The following GRIK4 variants were observed in gnomAD, a reference collection of about 807,000 sequenced individuals.
GRIK4 encodes the protein glutamate ionotropic receptor kainate type subunit 4.
GRIK4 carries 40 observed loss-of-function variants against 104.9 expected under a neutral mutation model. The ratio of observed to expected loss-of-function variants is 0.38; its 90% confidence interval spans 0.30 to 0.50. GRIK4 has a LOEUF of 0.50. GRIK4 is among the 20% of genes least tolerant of loss of function. GRIK4 has a pLI of 0.93. For missense variants in GRIK4, 1,047 were observed against 1,308.1 expected (o/e 0.80, Z 3.08); for synonymous variants, 485 against 524.9 (o/e 0.92, Z 1.04).
intron 4 of GRIK4, among the ~76,000 whole-genome samples, chr11:120,811,324 T>A (rs949186384): frequency 1.3e-4 from 20 of 152,208 alleles, no homozygotes; most frequent in African/African-American, 4.6e-4. Context: ...AACTCAGTGT[T>A]CCAGTGGCCA....
chr11:120,625,747 G>A (rs534786533), intron 1 of GRIK4, among the ~76,000 whole-genome samples: 2 of 152,102 alleles, frequency 1.3e-5, no homozygotes, highest in Admixed American at 6.5e-5. Flanking sequence ...GTGTTTGGGG[G>A]GAGGGTGGGC....
intron 7 of GRIK4, among the ~76,000 whole-genome samples, chr11:120,835,546 C>CAAACAAAA (rs1199890931): frequency 2.0e-5 from 3 of 151,576 alleles, no homozygotes; most frequent in Non-Finnish European, 4.4e-5. Context: ...AACAAACAAA[C>CAAACAAAA]AAAAAAAGAA....
intron 3 of GRIK4, among the ~76,000 whole-genome samples, chr11:120,758,525 C>T (rs1449025530): frequency 6.6e-6 from 1 of 152,290 alleles, no homozygotes; most frequent in South Asian, 2.1e-4. Context: ...GCCCACCTCC[C>T]GTGGCACCAT....
rs142177124 is a variant in GRIK4, at chr11:120,572,881, A to G, written c.-159+60994A>G. Among the ~76,000 whole-genome samples, 426 of 152,278 alleles carry G rather than the reference A, an allele frequency of 2.8e-3. 2 individuals carry two copies. The highest frequency in any genetic ancestry group is 4.5e-3 in the Non-Finnish European group (305 of 68,020). ...TGAAATGACCCAACTAAGGCCATTA[A>G]ATATTGTGCAAGAAGATTGGAAAGC... is the stretch of plus-strand genomic sequence containing the variant. On this transcript the variant is annotated intron_variant, in intron 1 of 20. Coordinates refer to ENST00000527524, the MANE Select transcript of GRIK4 (RefSeq NM_014619.5).
chr11:120,566,238 G>C (rs1042703168), intron 1 of GRIK4, among the ~76,000 whole-genome samples: 22 of 152,204 alleles, frequency 1.4e-4, no homozygotes, highest in African/African-American at 5.3e-4. Flanking sequence ...GATTTCCAGA[G>C]ATCTTCTGAT....
intron 3 of GRIK4, among the ~76,000 whole-genome samples, chr11:120,731,140 C>G (rs1293006524): frequency 6.6e-6 from 1 of 152,050 alleles, no homozygotes; most frequent in Admixed American, 6.6e-5. Flanking sequence ...TTGTTGTGTT[C>G]TGGATCTTAA....
chr11:120,606,876 G>A (rs1399664129), intron 1 of GRIK4, among the ~76,000 whole-genome samples: 1 of 152,204 alleles, frequency 6.6e-6, no homozygotes, highest in Non-Finnish European at 1.5e-5. Flanking sequence ...CAGTGGCATG[G>A]AGGGGAATCT....
intron 8 of GRIK4, among the ~76,000 whole-genome samples, chr11:120,857,375 A>G (rs571465939): frequency 2.0e-5 from 3 of 152,294 alleles, no homozygotes; most frequent in African/African-American, 7.2e-5. Context: ...TCCGTGAAGC[A>G]TTCCTTCATC....
chr11:120,957,717 C>T (rs1320993260), intron 16 of GRIK4, among the ~76,000 whole-genome samples: 1 of 151,628 alleles, frequency 6.6e-6, no homozygotes, highest in Non-Finnish European at 1.5e-5. Context: ...ACAGGACTTA[C>T]GACCTTGGTT....
At chr11:120,797,444 C>T (rs1952542389) in intron 3 of GRIK4, among the ~76,000 whole-genome samples, 1 of 152,214 alleles carries the variant, frequency 6.6e-6, no homozygotes, top group Non-Finnish European at 1.5e-5. Flanking sequence ...CATCTGGTCT[C>T]CACTCCTGGG....
chr11:120,932,156 A>ATT (rs1943495550), intron 13 of GRIK4, among the ~76,000 whole-genome samples: 1 of 114,224 alleles, frequency 8.8e-6, no homozygotes, highest in South Asian at 2.8e-4. Flanking sequence ...GCAATTTTAC[A>ATT]ATTTTTTTTT....
rs181288542 is a variant in GRIK4, at chr11:120,635,124, G to A, written c.-158-18561G>A. Reference sequence around the variant, plus strand: ...ATTCCCAGCTGAAACTTCATATTACGGTCCCTGCAAAGGGTCGGGTTCCTT... The same window carrying A: ...ATTCCCAGCTGAAACTTCATATTACAGTCCCTGCAAAGGGTCGGGTTCCTT... On this transcript the variant is annotated intron_variant, in intron 1 of 20. Transcript: ENST00000527524. Among the ~76,000 whole-genome samples the A allele has an allele frequency of 3.0e-3, 451 of 152,170 alleles. 1 individual carries two copies. The highest frequency in any genetic ancestry group is 0.011 in the African/African-American group (439 of 41,520).
chr11:120,725,920 C>T (rs1285152533), intron 3 of GRIK4, among the ~76,000 whole-genome samples: 3 of 152,134 alleles, frequency 2.0e-5, no homozygotes, highest in Non-Finnish European at 4.4e-5. Context: ...GGTATACAGA[C>T]AGACAATATT....
At chr11:120,835,805 C>G (rs1003790660) in intron 7 of GRIK4, among the ~76,000 whole-genome samples, 1 of 152,064 alleles carries the variant, frequency 6.6e-6, no homozygotes, top group Non-Finnish European at 1.5e-5. Context: ...CTGTCACACT[C>G]AAAGCCAGGC....
At chr11:120,974,723 C>T (rs959662913) in intron 19 of GRIK4, among the ~76,000 whole-genome samples, 1 of 152,168 alleles carries the variant, frequency 6.6e-6, no homozygotes, top group Non-Finnish European at 1.5e-5. Context: ...TTCGCTTCCT[C>T]GCCCCCTCTG....
chr11:120,803,081 C>CCACT (rs955703354), intron 4 of GRIK4, among the ~76,000 whole-genome samples: 51 of 152,314 alleles, frequency 3.3e-4, no homozygotes, highest in African/African-American at 9.4e-4. Flanking sequence ...GACAGGATAC[C>CCACT]CATTCATTCA....
chr11:120,818,608 C>T (rs1953023006), intron 5 of GRIK4, among the ~76,000 whole-genome samples: 1 of 152,222 alleles, frequency 6.6e-6, no homozygotes, highest in Non-Finnish European at 1.5e-5. Flanking sequence ...CCACCTCAGT[C>T]TCAGAGGAGC....
Position 120,524,441 on chromosome 11 carries a change from A to G in GRIK4, c.-159+12554A>G, listed in dbSNP as rs148072745. On this transcript the variant is annotated intron_variant, in intron 1 of 20. Transcript: ENST00000527524. This position sits in a 1 kb window ranked among gnomAD's most constrained non-coding sequence, Gnocchi z 4.5. ...AGTCAATTGTGTGATCTTAAAACAC[A>G]TTTCCCCTGGTGGATGACAGGACTG... is the stretch of plus-strand genomic sequence containing the variant. Among the ~76,000 whole-genome samples the G allele has an allele frequency of 6.6e-6, 1 of 152,256 alleles. No homozygotes were observed. The highest frequency in any genetic ancestry group is 1.5e-5 in the Non-Finnish European group (1 of 68,024).
At chr11:120,735,738 C>G (rs556693103) in intron 3 of GRIK4, among the ~76,000 whole-genome samples, 6 of 151,970 alleles carry the variant, frequency 3.9e-5, no homozygotes, top group Admixed American at 3.9e-4. Flanking sequence ...TCTTCTGTGG[C>G]TAAGCTGGCA....
Sources: gnomAD v4.1 joint callset for allele counts (sites outside exome capture counted in the v4.1 genomes callset) on GRCh38, gnomAD v4.1.1 for gene constraint, Gnocchi (gnomAD v3.1) non-coding constraint, MANE v1.5 for transcripts, NCBI Gene and HGNC (gene_info 2026-07-23, HGNC 2026-07-21) for gene names.